ATP10B: variants seen among roughly 807,000 people sequenced by gnomAD.
ATP10B encodes ATPase phospholipid transporting 10B (putative).
ATP10B carries 122 observed loss-of-function variants against 141.2 expected under a neutral mutation model. That is an observed-to-expected ratio of 0.86 (90% CI 0.75 to 1.00). The LOEUF (loss-of-function observed/expected upper bound fraction) is 1.00, where lower values mean the gene tolerates loss of function less well. ATP10B is among the 50% of genes least tolerant of loss of function. The pLI is 0.00. For missense variants in ATP10B, 1,876 were observed against 1,825.3 expected (o/e 1.03, Z -0.51); for synonymous variants, 685 against 692.0 (o/e 0.99, Z 0.16).
At chr5:160,613,561 T>G (rs1230543227) in intron 17 of ATP10B, among the ~76,000 whole-genome samples, 4 of 152,168 alleles carry the variant, frequency 2.6e-5, no homozygotes. Flanking sequence ...GATTCAGAAC[T>G]AAAAGCTACT....
chr5:160,741,584 T>C (rs1346015617), intron 2 of ATP10B, among the ~76,000 whole-genome samples: 1 of 152,208 alleles, frequency 6.6e-6, no homozygotes, highest in African/African-American at 2.4e-5. Flanking sequence ...AACAATGGCA[T>C]GCAAAGAATG....
chr5:160,837,052 A>G (rs1347528179), intron 1 of ATP10B, among the ~76,000 whole-genome samples: 4 of 152,100 alleles, frequency 2.6e-5, no homozygotes, highest in Non-Finnish European at 5.9e-5. Context: ...TACATACACG[A>G]TCTTACCACA....
the ATP10B span, among the ~76,000 whole-genome samples, chr5:160,880,729 C>G: frequency 6.6e-6 from 1 of 152,138 alleles, no homozygotes; most frequent in African/African-American, 2.4e-5. Context: ...GCTGGAACAA[C>G]TGGACATTCA....
chr5:160,612,157 T>C (rs1206953523), intron 18 of ATP10B: 2 of 152,220 alleles, frequency 1.3e-5, no homozygotes, highest in African/African-American at 2.4e-5. Context: ...TAAAAACATA[T>C]TGGCTTCATG....
In ATP10B at chr5:160,739,074, G is replaced by A. The variant is rs547128632; in HGVS notation, c.-330-22040C>T. Among the ~76,000 whole-genome samples the A allele has an allele frequency of 1.4e-4, 21 of 152,138 alleles. No individual in the cohort carries two copies. The South Asian group carries it at 3.1e-3, about 23-fold the overall frequency. On this transcript the variant is annotated intron_variant, in intron 2 of 25. Coordinates refer to ENST00000327245, the MANE Select transcript of ATP10B (RefSeq NM_025153.3). Reference sequence around the variant, plus strand: ...GAATTTAACTCATCATATTAATAACGCAAAGGAGAAACTCCATGTGATCAT... The same window carrying A: ...GAATTTAACTCATCATATTAATAACACAAAGGAGAAACTCCATGTGATCAT...
intron 18 of ATP10B, among the ~76,000 whole-genome samples, chr5:160,610,598 A>T (rs1298148127): frequency 6.6e-6 from 1 of 152,242 alleles, no homozygotes; most frequent in Non-Finnish European, 1.5e-5. Flanking sequence ...ATGTACTAAA[A>T]GTAAGTAGTT....
the ATP10B span, among the ~76,000 whole-genome samples, chr5:160,903,677 G>T: frequency 6.6e-6 from 1 of 152,180 alleles, no homozygotes; most frequent in East Asian, 1.9e-4. Context: ...CATCATTTAA[G>T]GTATCTCTGT....
At chr5:160,876,678 C>T in the ATP10B span, among the ~76,000 whole-genome samples, 489 of 151,984 alleles carry the variant, frequency 3.2e-3, 5 homozygotes, top group African/African-American at 0.011. Flanking sequence ...ATCAAATAGA[C>T]ACAATAAAAA....
At chr5:160,869,290 T>G in the ATP10B span, among the ~76,000 whole-genome samples, 1 of 152,094 alleles carries the variant, frequency 6.6e-6, no homozygotes, top group Non-Finnish European at 1.5e-5. Flanking sequence ...TTTTTTCCCA[T>G]CAGAATGAGA....
At chr5:160,917,169 A>C in the ATP10B span, among the ~76,000 whole-genome samples, 1 of 152,032 alleles carries the variant, frequency 6.6e-6, no homozygotes, top group Non-Finnish European at 1.5e-5. Context: ...TTTGTCTTAT[A>C]AGAGGCAAAT....
rs771116313 is a variant in ATP10B, at chr5:160,744,814, C to T, written c.-330-27780G>A. 6.6e-5 allele frequency among the ~76,000 whole-genome samples: 10 copies of T among 152,146 alleles called. No individual in the cohort carries two copies. The East Asian group carries it at 7.7e-4, about 12-fold the overall frequency. On this transcript the variant is annotated intron_variant, in intron 2 of 25. Coordinates refer to ENST00000327245, the MANE Select transcript of ATP10B (RefSeq NM_025153.3). ...AGTCTCCGTAGATAGTAAATGCAAA[C>T]GACGATTTCAAAGTTGACTACAAAT...
intron 2 of ATP10B, among the ~76,000 whole-genome samples, chr5:160,768,948 T>C (rs1327195251): frequency 2.0e-5 from 3 of 152,118 alleles, no homozygotes; most frequent in Non-Finnish European, 4.4e-5. Context: ...GGAGCCTCAG[T>C]CTGGAGTTGG....
intron 7 of ATP10B, among the ~76,000 whole-genome samples, chr5:160,653,639 CATATATATT>C (rs1761154099): frequency 1.4e-5 from 1 of 70,640 alleles, no homozygotes; most frequent in African/African-American, 6.0e-5. Context: ...TACATATATA[CATATATATT>C]ATATATACAT....
intron 7 of ATP10B, among the ~76,000 whole-genome samples, chr5:160,650,106 A>G (rs1464478774): frequency 6.8e-6 from 1 of 147,266 alleles, no homozygotes; most frequent in Non-Finnish European, 1.5e-5. Flanking sequence ...CTCTGTCTCA[A>G]AAAAAAAAAT....
At position 160,565,685 on chromosome 5, in the gene ATP10B, G is replaced by C; in HGVS notation, c.4154C>G (p.Ser1385Cys). 6.2e-7 allele frequency: 1 copy of C among 1,614,116 alleles called. No homozygotes were observed. Among genetic ancestry groups the C allele is most frequent in the Non-Finnish European group, 8.5e-7 (1 of 1,179,980 alleles). ...CACATGCTTCCTCTTGGGAGGGTTA[G>C]AGCTCTTTGGGGTGCTGGCACTGAA... ...QDFSASTPKS[S>C]NPPKRKHVEE... Residue 1385 changes from serine (S) to cysteine (C), a missense_variant, in exon 26 of 26, where the codon TCT becomes TGT. Physicochemically the swap from Ser to Cys is moderately radical, Grantham distance 112. Coordinates refer to ENST00000327245, the MANE Select transcript of ATP10B (RefSeq NM_025153.3).
chr5:160,925,534 T>C, the ATP10B span, among the ~76,000 whole-genome samples: 1 of 152,226 alleles, frequency 6.6e-6, no homozygotes, highest in Admixed American at 6.5e-5. Flanking sequence ...CTGTGATAAA[T>C]TGCCTCTTGC....
chr5:160,640,731 G>T (rs1197231990), intron 9 of ATP10B, 139 bp from the exon 10 acceptor site: 76 of 1,186,730 alleles, frequency 6.4e-5, no homozygotes, highest in Non-Finnish European at 8.7e-5. Flanking sequence ...GCCTCAGAAG[G>T]TTGCTGAGAA....
chr5:160,669,659 C>T (rs936745891), intron 7 of ATP10B, among the ~76,000 whole-genome samples: 9 of 133,392 alleles, frequency 6.7e-5, no homozygotes, highest in African/African-American at 2.3e-4. Flanking sequence ...ATTGCCCAGG[C>T]TGTGATCTTA....
chr5:160,585,474 C>T (rs971527280), intron 24 of ATP10B, among the ~76,000 whole-genome samples: 7 of 152,174 alleles, frequency 4.6e-5, no homozygotes, highest in East Asian at 1.9e-4. Context: ...CATGGTGGCA[C>T]GCGCCATAGT....
Sources: allele counts gnomAD v4.1 joint callset (sites outside exome capture counted in the v4.1 genomes callset), GRCh38; gene constraint gnomAD v4.1.1; transcripts MANE v1.5; gene names NCBI Gene and HGNC (gene_info 2026-07-23, HGNC 2026-07-21).